The following ATP8A1 variants were observed in gnomAD, a reference collection of about 807,000 sequenced individuals.
ATP8A1 encodes the protein ATPase phospholipid transporting 8A1, also known as phospholipid-transporting ATPase IA.
In ATP8A1, 90 loss-of-function variants were observed where a neutral mutation model predicts 177.7. The observed-to-expected ratio is 0.51, with a 90% confidence interval of 0.43 to 0.60. The LOEUF (loss-of-function observed/expected upper bound fraction) is 0.60, where lower values mean the gene tolerates loss of function less well. ATP8A1 is among the 20% of genes least tolerant of loss of function. The probability of loss-of-function intolerance (pLI) is 0.00; values close to 1 mark genes in which losing one functional copy is unlikely to be tolerated. For missense variants in ATP8A1, 1,072 were observed against 1,392.8 expected, an observed-to-expected ratio of 0.77 and a Z score of 3.67; for synonymous variants, 493 against 485.9, an observed-to-expected ratio of 1.01 and a Z score of -0.19.
At chr4:42,521,934 T>C (rs1560417885) in intron 22 of ATP8A1, among the ~76,000 whole-genome samples, 1 of 152,164 alleles carries the variant, frequency 6.6e-6, no homozygotes, top group African/African-American at 2.4e-5. Flanking sequence ...TGATCCAAAA[T>C]TGTGAAAAGA....
chr4:42,455,646 A>C, intron 27 of ATP8A1, 47 bp from the exon 28 acceptor site: 2 of 1,550,978 alleles, frequency 1.3e-6, no homozygotes, highest in Non-Finnish European at 1.8e-6. Flanking sequence ...CAAAAGCATA[A>C]ATGCATTGCT....
At chr4:42,612,089 G>A (rs74779294) in intron 5 of ATP8A1, among the ~76,000 whole-genome samples, 4,190 of 148,280 alleles carry the variant, frequency 0.028, 190 homozygotes, top group African/African-American at 0.094. Context: ...ATAATATAAT[G>A]ACTTTGACAG....
intron 5 of ATP8A1, among the ~76,000 whole-genome samples, chr4:42,608,236 T>A (rs964056626): frequency 8.5e-4 from 128 of 150,932 alleles, no homozygotes; most frequent in African/African-American, 2.9e-3. Flanking sequence ...AGGTGCTGAC[T>A]TACACTCTAA....
rs1211348375 is a variant in ATP8A1 at position 42,485,605 on chromosome 4, C to G, written c.2215G>C (p.Asp739His). 1.2e-6 allele frequency: 2 copies of G among 1,613,542 alleles called. No homozygotes were observed. The highest frequency in any genetic ancestry group is 1.7e-6 in the Non-Finnish European group (2 of 1,179,684). ...TTCCCATCAATTATAAGAGCAAAAT[C>G]ATTCTCTTTCCGGAGAGCATCACCA... is the stretch of plus-strand genomic sequence containing the variant. Reference protein sequence around the residue: ...TLGDALRKENDFALIIDGKTL... With the variant: ...TLGDALRKENHFALIIDGKTL... Residue 739 changes from aspartate to histidine, a missense_variant, in exon 25 of 37, where the codon GAT becomes CAT. Asp to His is a moderately conservative substitution (Grantham distance 81). This residue lies in a region of ATP8A1 where 388 missense variants were observed against 471.7 expected (regional missense o/e 0.82). Transcript: ENST00000381668.
intron 24 of ATP8A1, among the ~76,000 whole-genome samples, chr4:42,488,974 C>T (rs1354217946): frequency 2.6e-5 from 4 of 152,094 alleles, no homozygotes; most frequent in East Asian, 1.9e-4. Flanking sequence ...GATTTCATCC[C>T]GTTGGCAATG....
Position 42,635,754 on chromosome 4 carries a change from T to TAC in ATP8A1, c.50-8647_50-8646dup, listed in dbSNP as rs375888383. On this transcript the variant is annotated intron_variant, in intron 1 of 36. Coordinates refer to ENST00000381668, the MANE Select transcript of ATP8A1 (RefSeq NM_006095.2). ...ACATACACACATATATACATATATATACACACACACACACACACACACACA... is the reference window on the plus strand; with the variant it reads ...ACATACACACATATATACATATATATACACACACACACACACACACACACACA... 7.1e-4 allele frequency among the ~76,000 whole-genome samples: 58 copies of TAC among 81,816 alleles called. 1 individual carries two copies. The highest frequency in any genetic ancestry group is 3.6e-3 in the Admixed American group (24 of 6,718). The allele number at this position is 81,816 out of a possible 152,430, so 53.7% of individuals were successfully genotyped here. A position where few individuals can be genotyped will look rare whatever the true frequency, so the allele number is the denominator to read the frequency against.
intron 6 of ATP8A1, chr4:42,594,262 T>C (rs1577666092): frequency 7.1e-7 from 1 of 1,415,502 alleles, no homozygotes; most frequent in Non-Finnish European, 9.9e-7. Flanking sequence ...TCCTCTACAC[T>C]GTTTGAGCAT....
At chr4:42,625,836 G>A in intron 2 of ATP8A1, 123 bp from the exon 3 acceptor site, 1 of 509,702 alleles carries the variant, frequency 2.0e-6, no homozygotes, top group Non-Finnish European at 3.5e-6. Context: ...TTCAAATTGG[G>A]AGAATATTGC....
intron 6 of ATP8A1, chr4:42,594,170 A>C (rs970323071): frequency 3.5e-6 from 2 of 564,712 alleles, no homozygotes; most frequent in African/African-American, 3.7e-5. Context: ...TTAAATAAAA[A>C]TTATTAGAGA....
At chr4:42,551,125 G>T in intron 18 of ATP8A1, 73 bp downstream of exon 18, 1 of 1,244,172 alleles carries the variant, frequency 8.0e-7, no homozygotes, top group Non-Finnish European at 1.2e-6. Flanking sequence ...GAGCCTTTTG[G>T]TATTACTTTA....
intron 24 of ATP8A1, among the ~76,000 whole-genome samples, chr4:42,497,421 A>C (rs1723394559): frequency 6.6e-6 from 1 of 152,210 alleles, no homozygotes; most frequent in African/African-American, 2.4e-5. Context: ...AAATGTCAAC[A>C]AACTTGTGGG....
chr4:42,572,757 C>T (rs1032972613), intron 14 of ATP8A1, among the ~76,000 whole-genome samples: 3 of 152,124 alleles, frequency 2.0e-5, no homozygotes, highest in Admixed American at 2.0e-4. Context: ...TGTTAGATTT[C>T]GTATCTGGAA....
At chr4:42,629,399 T>C (rs1207118206) in intron 1 of ATP8A1, among the ~76,000 whole-genome samples, 1 of 152,236 alleles carries the variant, frequency 6.6e-6, no homozygotes, top group Non-Finnish European at 1.5e-5. Flanking sequence ...TGGAAAGATA[T>C]TGTACATGAA....
At chr4:42,414,522 G>C (rs1712999546) in intron 36 of ATP8A1, 105 bp downstream of exon 36, 2 of 986,508 alleles carry the variant, frequency 2.0e-6, no homozygotes, top group Non-Finnish European at 3.1e-6. Context: ...ACTTATTTTA[G>C]ACATTAGTTT....
chr4:42,417,880 G>A (rs1213969526), intron 35 of ATP8A1, among the ~76,000 whole-genome samples: 1 of 152,152 alleles, frequency 6.6e-6, no homozygotes, highest in Non-Finnish European at 1.5e-5. Flanking sequence ...TCTCTGCCCT[G>A]GAGCTGAAAA....
At chr4:42,636,491 A>G (rs1412810732) in intron 1 of ATP8A1, among the ~76,000 whole-genome samples, 3 of 152,172 alleles carry the variant, frequency 2.0e-5, no homozygotes, top group Non-Finnish European at 4.4e-5. Context: ...AAGACTTACA[A>G]ACCACATTTT....
intron 4 of ATP8A1, among the ~76,000 whole-genome samples, chr4:42,623,605 A>C (rs977446396): frequency 6.6e-6 from 1 of 152,148 alleles, no homozygotes; most frequent in African/African-American, 2.4e-5. Context: ...GGAACAGAAA[A>C]CCAAATACCG....
chr4:42,415,667 T>C (rs141177377), intron 35 of ATP8A1, among the ~76,000 whole-genome samples: 1 of 152,238 alleles, frequency 6.6e-6, no homozygotes, highest in Non-Finnish European at 1.5e-5. Context: ...CAAATGTTTA[T>C]GCAATTTTAA....
At chr4:42,435,456 A>AAAAAAAAC (rs1560320575) in intron 33 of ATP8A1, among the ~76,000 whole-genome samples, 68 of 101,042 alleles carry the variant, frequency 6.7e-4, no homozygotes, top group African/African-American at 2.2e-3. Flanking sequence ...AAAACAAAAA[A>AAAAAAAAC]AAAAAAACAA....
Sources: gnomAD v4.1 joint callset for allele counts (sites outside exome capture counted in the v4.1 genomes callset) on GRCh38, gnomAD v4.1.1 for gene constraint, gnomAD v4.1.1 regional missense constraint, MANE v1.5 for transcripts, NCBI Gene and HGNC (gene_info 2026-07-23, HGNC 2026-07-21) for gene names.